The following ABL1 variants were observed in gnomAD, a reference collection of about 807,000 sequenced individuals.
ABL1 encodes tyrosine-protein kinase ABL1.
In ABL1, 11 loss-of-function variants were observed where a neutral mutation model predicts 94.7. The observed-to-expected ratio is 0.12, with a 90% CI of 0.07 to 0.19. The LOEUF is 0.19. Among genes scored for constraint, ABL1 ranks in the 10% least tolerant of loss-of-function variants. The pLI is 1.00. For synonymous variants in ABL1, 656 were observed against 622.4 expected (o/e 1.05, Z -0.80); for missense variants, 1,082 against 1,489.4 (o/e 0.73, Z 4.50).
chr9:130,776,179 G>A (rs1346611680), intron 1 of ABL1, among the ~76,000 whole-genome samples: 1 of 152,226 alleles, frequency 6.6e-6, no homozygotes, highest in Non-Finnish European at 1.5e-5. Context: ...GTATCACATG[G>A]CAGCTCACTC....
rs931838193 is a variant in ABL1 at position 130,863,612 on chromosome 9, T to C, written c.822+577T>C. Among the ~76,000 whole-genome samples the C allele has an allele frequency of 6.6e-6, 1 of 152,332 alleles. No homozygotes were observed. The highest frequency in any genetic ancestry group is 2.4e-5 in the African/African-American group (1 of 41,576). ...ACCAACTCAGATACAGTCTGGTCTT[T>C]CTTGTTAACTGGGACTTTACCCTCT... On this transcript the variant is annotated intron_variant, in intron 4 of 10. Coordinates refer to ENST00000318560, the MANE Select transcript of ABL1 (RefSeq NM_005157.6). The surrounding 1 kb of genome is among the most constrained non-coding windows in gnomAD (Gnocchi z 4.3).
intron 1 of ABL1, among the ~76,000 whole-genome samples, chr9:130,792,752 G>A (rs1387922301): frequency 4.6e-5 from 7 of 152,182 alleles, no homozygotes; most frequent in Non-Finnish European, 8.8e-5. Context: ...TGTCCCTACT[G>A]TAGAGCTAAG....
intron 1 of ABL1, among the ~76,000 whole-genome samples, chr9:130,843,152 A>G (rs772492052): frequency 4.6e-5 from 7 of 152,262 alleles, no homozygotes; most frequent in Admixed American, 6.5e-5. Flanking sequence ...AGACAAGTGC[A>G]GGGTGTTCCA....
At chr9:130,798,386 A>G (rs939331343) in intron 1 of ABL1, among the ~76,000 whole-genome samples, 4 of 152,202 alleles carry the variant, frequency 2.6e-5, no homozygotes, top group Admixed American at 2.0e-4. Context: ...GAAAAGCTAT[A>G]TTAGTGATGG....
intron 1 of ABL1, among the ~76,000 whole-genome samples, chr9:130,803,642 A>G (rs1193734602): frequency 6.6e-6 from 1 of 152,224 alleles, no homozygotes; most frequent in Non-Finnish European, 1.5e-5. Flanking sequence ...ATCTGGAGGT[A>G]GAATAACTTG....
chr9:130,760,981 T>G (rs111600518), intron 1 of ABL1, among the ~76,000 whole-genome samples: 24,122 of 108,790 alleles, frequency 0.22, 3,096 homozygotes, highest in Middle Eastern at 0.46. Context: ...GGAGTCTCGC[T>G]CTTTCGCCCA....
chr9:130,854,916 G>A lies in ABL1; in HGVS notation c.369G>A (p.Glu123=), dbSNP rs2132958076. Residue 123 remains glutamate, a synonymous_variant, in exon 3 of 11, where the codon GAG becomes GAA. Coordinates refer to ENST00000318560, the MANE Select transcript of ABL1 (RefSeq NM_005157.6). ...ACATCACGCCAGTCAACAGTCTGGA[G>A]AAACACTCCTGGTACCATGGGCCTG... is the stretch of plus-strand genomic sequence containing the variant. ...SNYITPVNSL[E]KHSWYHGPVS... The A allele has an allele frequency of 1.2e-6, 2 of 1,614,240 alleles. No homozygotes were observed. The highest frequency in any genetic ancestry group is 1.7e-6 in the Non-Finnish European group (2 of 1,180,046).
intron 1 of ABL1, among the ~76,000 whole-genome samples, chr9:130,760,268 C>CG (rs1356229028): frequency 2.0e-5 from 3 of 152,150 alleles, no homozygotes; most frequent in African/African-American, 7.2e-5. Flanking sequence ...TAGCTCCCTC[C>CG]TTAACATCAG....
chr9:130,843,693 T>C (rs1830713256), intron 1 of ABL1, among the ~76,000 whole-genome samples: 1 of 151,920 alleles, frequency 6.6e-6, no homozygotes, highest in East Asian at 1.9e-4. Flanking sequence ...AGAAGGTTTA[T>C]GGGAGATGGG....
At chr9:130,800,928 CTT>C (rs5900906) in intron 1 of ABL1, among the ~76,000 whole-genome samples, 35 of 128,752 alleles carry the variant, frequency 2.7e-4, no homozygotes, top group East Asian at 9.4e-4. Flanking sequence ...TTTTTCTTTC[CTT>C]TTTTTTTTTT....
intron 3 of ABL1, among the ~76,000 whole-genome samples, 175 bp downstream of exon 3, chr9:130,855,271 G>A (rs1278600388): frequency 6.6e-6 from 1 of 152,182 alleles, no homozygotes; most frequent in Non-Finnish European, 1.5e-5. Flanking sequence ...GATCCGTTCT[G>A]TGATATTACA....
chr9:130,778,249 T>G (rs1222400688), intron 1 of ABL1, among the ~76,000 whole-genome samples: 20 of 139,096 alleles, frequency 1.4e-4, no homozygotes, highest in African/African-American at 4.7e-4. Flanking sequence ...TAGTACTTTC[T>G]AGACTGTGAG....
intron 1 of ABL1, among the ~76,000 whole-genome samples, chr9:130,747,793 T>C (rs1831906230): frequency 6.6e-6 from 1 of 152,180 alleles, no homozygotes; most frequent in Non-Finnish European, 1.5e-5. Context: ...CATCTCAAGA[T>C]TGTTAATCAC....
chr9:130,729,943 A>C (rs1297877700), intron 1 of ABL1, among the ~76,000 whole-genome samples: 1 of 146,218 alleles, frequency 6.8e-6, no homozygotes, highest in African/African-American at 2.6e-5. Flanking sequence ...GGGTTTCATC[A>C]TGTTGGCCAG....
chr9:130,858,291 C>G (rs1354689474), intron 3 of ABL1, among the ~76,000 whole-genome samples: 1 of 151,998 alleles, frequency 6.6e-6, no homozygotes, highest in Non-Finnish European at 1.5e-5. Context: ...TGAGATTCAT[C>G]CAAAGAGGGA....
chr9:130,754,290 C>T (rs1421858889), intron 1 of ABL1, among the ~76,000 whole-genome samples: 4 of 151,000 alleles, frequency 2.6e-5, no homozygotes, highest in Admixed American at 6.6e-5. Context: ...GGGTGGATTA[C>T]GAGGTCAGGA....
At chr9:130,784,751 T>A (rs1454604448) in intron 1 of ABL1, among the ~76,000 whole-genome samples, 1 of 152,242 alleles carries the variant, frequency 6.6e-6, no homozygotes, top group Non-Finnish European at 1.5e-5. Context: ...TTTGGTACAT[T>A]CACCCTGCAG....
chr9:130,858,018 G>T (rs138284384), intron 3 of ABL1, among the ~76,000 whole-genome samples: 14 of 152,126 alleles, frequency 9.2e-5, no homozygotes, highest in African/African-American at 2.7e-4. Flanking sequence ...CCGCCCATGG[G>T]GGGTGATTTT....
At chr9:130,727,759 C>CCG (rs1195951482) in intron 1 of ABL1, among the ~76,000 whole-genome samples, 2 of 135,478 alleles carry the variant, frequency 1.5e-5, no homozygotes, top group Non-Finnish European at 3.1e-5. Flanking sequence ...CCGCCCCCCC[C>CCG]CCCCAAAAAA....
Sources: gnomAD v4.1 joint callset for allele counts (sites outside exome capture counted in the v4.1 genomes callset) on GRCh38, gnomAD v4.1.1 for gene constraint, Gnocchi (gnomAD v3.1) non-coding constraint, MANE v1.5 for transcripts, NCBI Gene and HGNC (gene_info 2026-07-23, HGNC 2026-07-21) for gene names.